UMODL1: variants seen among roughly 807,000 people sequenced by gnomAD.
The protein encoded by UMODL1 is uromodulin like 1, also known as uromodulin-like 1.
UMODL1 carries 128 observed loss-of-function variants against 136.3 expected under a neutral mutation model. That is an observed-to-expected ratio of 0.94 (90% CI 0.81 to 1.09). The LOEUF (loss-of-function observed/expected upper bound fraction) is 1.09. Among genes scored for constraint, UMODL1 ranks in the 50% least tolerant of loss-of-function variants. UMODL1 has a pLI of 0.00. For synonymous variants in UMODL1, 721 were observed against 720.0 expected, an observed-to-expected ratio of 1.00 and a Z score of -0.02; for missense variants, 1,766 against 1,725.6, an observed-to-expected ratio of 1.02 and a Z score of -0.41.
intron 9 of UMODL1, among the ~76,000 whole-genome samples, chr21:42,107,147 C>T (rs1425317701): frequency 1.3e-5 from 2 of 152,218 alleles, no homozygotes; most frequent in Non-Finnish European, 2.9e-5. Flanking sequence ...GCCCCTATTC[C>T]TTCTCTTTCC....
At chr21:42,101,651 C>A (rs983439466) in intron 7 of UMODL1, 7 of 447,276 alleles carry the variant, frequency 1.6e-5, no homozygotes, top group East Asian at 1.4e-4. Context: ...TTTGCTTATG[C>A]CCCAAAATAA....
chr21:42,085,521 C>A lies in UMODL1; in HGVS notation c.603+109C>A. 1 of 1,493,466 alleles carries A rather than the reference C, an allele frequency of 6.7e-7. No homozygotes were observed. Among genetic ancestry groups the A allele is most frequent in the South Asian group, 1.2e-5 (1 of 83,894 alleles). The allele number at this position is 1,493,466 out of a possible 1,614,324, so 92.5% of individuals were successfully genotyped here. On this transcript the variant is annotated intron_variant, in intron 4 of 22. Coordinates refer to ENST00000408910, the MANE Select transcript of UMODL1 (RefSeq NM_001004416.3). The surrounding 1 kb of genome is among the most constrained non-coding windows in gnomAD (Gnocchi z 4.5). Reference sequence around the variant, plus strand: ...CTGGGGGTTGGGGAGGGTGATGTTCCCCAAATGGCCCCAAATGACTGACTC... The same window carrying A: ...CTGGGGGTTGGGGAGGGTGATGTTCACCAAATGGCCCCAAATGACTGACTC...
intron 13 of UMODL1, among the ~76,000 whole-genome samples, chr21:42,115,061 G>T (rs1347163294): frequency 6.6e-6 from 1 of 152,220 alleles, no homozygotes; most frequent in Non-Finnish European, 1.5e-5. Context: ...ATGGCTCTGT[G>T]GTTTGTCTTA....
rs757893740 is a variant in UMODL1 at position 42,111,500 on chromosome 21, G to A, written c.1900-6G>A. ...CACAGATGGCCCACTGGCCCTCCCTGGACAGCTACAGGGAAACTCCATCAT... is the reference window on the plus strand; with the variant it reads ...CACAGATGGCCCACTGGCCCTCCCTAGACAGCTACAGGGAAACTCCATCAT... On this transcript the variant is annotated splice_polypyrimidine_tract_variant and splice_region_variant and intron_variant, in intron 11 of 22. Coordinates refer to ENST00000408910, the MANE Select transcript of UMODL1 (RefSeq NM_001004416.3). 2 of 1,613,774 alleles carry A rather than the reference G, an allele frequency of 1.2e-6. No individual in the cohort carries two copies. Among genetic ancestry groups the A allele is most frequent in the Non-Finnish European group, 1.7e-6 (2 of 1,179,754 alleles).
rs745851127 is a variant in UMODL1, at chr21:42,099,087, G to A, written c.1093G>A (p.Val365Met). 4 of 1,614,096 alleles carry A rather than the reference G, an allele frequency of 2.5e-6. No homozygotes were observed. In the African/African-American group the frequency reaches 5.3e-5, roughly 22 times the overall value. Residue 365 changes from valine to methionine, a missense_variant, in exon 7 of 23, where the codon GTG becomes ATG. Val to Met is a conservative substitution (Grantham distance 21). Transcript: ENST00000408910. This position sits in a 1 kb window ranked among gnomAD's most constrained non-coding sequence, Gnocchi z 4.1. ...SARTQSQALA[V>M]AGLEAGVLYR... ...CAGGACACAGAGCCAGGCACTGGCAGTGGCTGGGCTGGAGGCTGGAGTGCT... is the reference window on the plus strand; with the variant it reads ...CAGGACACAGAGCCAGGCACTGGCAATGGCTGGGCTGGAGGCTGGAGTGCT...
rs138189547 is a variant in UMODL1, at chr21:42,085,019, A to C, written c.482-272A>C. Among the ~76,000 whole-genome samples, 1 of 152,032 alleles carries C rather than the reference A, an allele frequency of 6.6e-6. No individual in the cohort carries two copies. The highest frequency in any genetic ancestry group is 2.4e-5 in the African/African-American group (1 of 41,324). On this transcript the variant is annotated intron_variant, in intron 3 of 22. Transcript: ENST00000408910. This position sits in a 1 kb window ranked among gnomAD's most constrained non-coding sequence, Gnocchi z 4.5. ...ATTTACCTCCTAAGCAGATCTCTTC[A>C]AGGGAAGGCCTGCTGCTGTGGGTCC...
At chr21:42,140,685 C>T (rs772807492) in intron 22 of UMODL1, among the ~76,000 whole-genome samples, 21 of 101,228 alleles carry the variant, frequency 2.1e-4, no homozygotes, top group Non-Finnish European at 4.4e-4. Flanking sequence ...CCAGGTGTCC[C>T]AGTTGAGAGG....
intron 15 of UMODL1, 41 bp downstream of exon 15, chr21:42,119,365 C>A (rs1361748042): frequency 2.6e-6 from 4 of 1,566,748 alleles, no homozygotes; most frequent in African/African-American, 2.7e-5. Context: ...TGTTCTGGAA[C>A]CAGAGGCAGC....
chr21:42,085,528 G>T lies in UMODL1; in HGVS notation c.603+116G>T. 2 of 1,504,836 alleles carry T rather than the reference G, an allele frequency of 1.3e-6. No individual in the cohort carries two copies. The highest frequency in any genetic ancestry group is 1.9e-5 in the Admixed American group (1 of 52,458). The allele number at this position is 1,504,836 out of a possible 1,614,324, so 93.2% of individuals were successfully genotyped here. ...TTGGGGAGGGTGATGTTCCCCAAAT[G>T]GCCCCAAATGACTGACTCTGAACGA... On this transcript the variant is annotated intron_variant, in intron 4 of 22. Coordinates refer to ENST00000408910, the MANE Select transcript of UMODL1 (RefSeq NM_001004416.3). The surrounding 1 kb of genome is among the most constrained non-coding windows in gnomAD (Gnocchi z 4.5).
chr21:42,108,593 G>A lies in UMODL1; in HGVS notation c.1520-969G>A, dbSNP rs185994830. On this transcript the variant is annotated intron_variant, in intron 9 of 22. Coordinates refer to ENST00000408910, the MANE Select transcript of UMODL1 (RefSeq NM_001004416.3). ...TGAATTGGAACTTCTCTGGCATGCC[G>A]GGTGTGGGTTCGTTCCCGAGCACCT... 213 of 344,580 alleles carry A rather than the reference G, an allele frequency of 6.2e-4. 2 individuals carry two copies. Among genetic ancestry groups the A allele is most frequent in the African/African-American group, 4.1e-3 (193 of 46,746 alleles). The allele number at this position is 344,580 out of a possible 1,614,324, so 21.3% of individuals were successfully genotyped here. A position where few individuals can be genotyped will look rare whatever the true frequency, so the allele number is the denominator to read the frequency against.
rs1353047993 is a variant in UMODL1 at position 42,102,258 on chromosome 21, T to TCTA, written c.1280_1282dup (p.Ser427_Arg428insThr). On this transcript the variant is annotated inframe_insertion, in exon 8 of 23. Coordinates refer to ENST00000408910, the MANE Select transcript of UMODL1 (RefSeq NM_001004416.3). ...CAGCAGTGTGGAGTACCAGGACTTT[T>TCTA]CTAGACAACTGCTTCACGAGGTAAA... 1 of 1,612,526 alleles carries TCTA rather than the reference T, an allele frequency of 6.2e-7. No individual in the cohort carries two copies. Among genetic ancestry groups the TCTA allele is most frequent in the Non-Finnish European group, 8.5e-7 (1 of 1,178,950 alleles).
intron 3 of UMODL1, among the ~76,000 whole-genome samples, chr21:42,084,650 G>A (rs1418241170): frequency 1.3e-5 from 2 of 152,076 alleles, no homozygotes; most frequent in Non-Finnish European, 2.9e-5. Flanking sequence ...ATATGCGCCT[G>A]CTGGTCTGGA....
chr21:42,101,887 AC>A (rs2066638984), intron 7 of UMODL1: 1 of 397,642 alleles, frequency 2.5e-6, no homozygotes, highest in Admixed American at 3.5e-5. Flanking sequence ...ACGGGAAAGG[AC>A]CCTCCATGCT....
chr21:42,084,863 T>C (rs1016283744), intron 3 of UMODL1, among the ~76,000 whole-genome samples: 1 of 151,174 alleles, frequency 6.6e-6, no homozygotes, highest in Non-Finnish European at 1.5e-5. Flanking sequence ...CTACATGCTA[T>C]TATATAGTAT....
At chr21:42,103,380 G>C (rs1179803001) in intron 8 of UMODL1, 3 of 306,534 alleles carry the variant, frequency 9.8e-6, no homozygotes. Flanking sequence ...GAACCAGGCT[G>C]GTATCTCCCT....
intron 6 of UMODL1, among the ~76,000 whole-genome samples, chr21:42,094,913 C>T (rs903871480): frequency 3.9e-5 from 6 of 151,952 alleles, no homozygotes; most frequent in African/African-American, 9.7e-5. Context: ...AATGTATCCT[C>T]TCACAGTTCT....
chr21:42,133,689 A>G (rs980512374), intron 21 of UMODL1, among the ~76,000 whole-genome samples: 1 of 152,100 alleles, frequency 6.6e-6, no homozygotes, highest in Non-Finnish European at 1.5e-5. Flanking sequence ...GATGTGCCCA[A>G]TCTTTGGTGG....
chr21:42,104,222 G>A (rs906011873), intron 9 of UMODL1, 135 bp downstream of exon 9: 32 of 977,732 alleles, frequency 3.3e-5, no homozygotes, highest in African/African-American at 8.2e-5. Flanking sequence ...TTCCTCCACC[G>A]GAACCAGGGG....
chr21:42,076,176 A>T lies in UMODL1; in HGVS notation c.248A>T (p.Glu83Val). ...MVYRTQYLVV[E>V]VPESRNVTDC... ...TACCGGACACAGTACCTGGTAGTGG[A>T]GGTCCCCGAGTCCAGGAACGTGACT... is the stretch of plus-strand genomic sequence containing the variant. The change falls in exon 2 of 23, where the codon GAG becomes GTG. Residue 83 changes from glutamate (E) to valine (V), a missense_variant. Glu to Val is a moderately radical substitution (Grantham distance 121). Transcript: ENST00000408910. 21 of 1,614,238 alleles carry T rather than the reference A, an allele frequency of 1.3e-5. 1 individual carries two copies. The highest frequency in any genetic ancestry group is 1.8e-5 in the Non-Finnish European group (21 of 1,180,044).
Sources: allele counts gnomAD v4.1 joint callset (sites outside exome capture counted in the v4.1 genomes callset), GRCh38; gene constraint gnomAD v4.1.1; non-coding constraint Gnocchi (gnomAD v3.1); transcripts MANE v1.5; gene names NCBI Gene and HGNC (gene_info 2026-07-23, HGNC 2026-07-21).